Variants in SOX5 observed in about 807,000 individuals in gnomAD.
The protein encoded by SOX5 is transcription factor SOX-5.
SOX5 carries 9 observed loss-of-function variants against 92.0 expected under a neutral mutation model. The ratio of observed to expected loss-of-function variants is 0.10; its 90% CI spans 0.06 to 0.17. The LOEUF (loss-of-function observed/expected upper bound fraction) is 0.17. Among genes scored for constraint, SOX5 ranks in the 10% least tolerant of loss-of-function variants. The pLI is 1.00. For synonymous variants in SOX5, 344 were observed against 336.3 expected, an observed-to-expected ratio of 1.02 and a Z score of -0.25; for missense variants, 642 against 944.5, an observed-to-expected ratio of 0.68 and a Z score of 4.20.
At chr12:23,825,575 C>T (rs542084474) in intron 3 of SOX5, among the ~76,000 whole-genome samples, 5 of 152,064 alleles carry the variant, frequency 3.3e-5, no homozygotes, top group African/African-American at 7.3e-5. Flanking sequence ...TGTTTGTATG[C>T]GTGTATTTAT....
chr12:24,548,506 G>A (rs142633243), intron 1 of SOX5, among the ~76,000 whole-genome samples: 119 of 152,272 alleles, frequency 7.8e-4, no homozygotes, highest in African/African-American at 2.7e-3. Flanking sequence ...TAGACACGAG[G>A]CACTACATGT....
At position 23,979,698 on chromosome 12, in the gene SOX5, G is replaced by GTTTTTTTGTTT. The variant is rs1949313537; in HGVS notation, c.-1-83675_-1-83674insAAACAAAAAAA. Among the ~76,000 whole-genome samples, 20 of 64,704 alleles carry GTTTTTTTGTTT rather than the reference G, an allele frequency of 3.1e-4. 1 individual carries two copies. Among genetic ancestry groups the GTTTTTTTGTTT allele is most frequent in the Non-Finnish European group, 4.8e-4 (18 of 37,148 alleles). The allele number at this position is 64,704 out of a possible 152,430, so 42.4% of individuals were successfully genotyped here. On this transcript the variant is annotated intron_variant, in intron 4 of 4. Coordinates refer to the SOX5 transcript ENST00000446891. Reference sequence around the variant, plus strand: ...TTCTTCCTTCCATATATATATATATGTTTTTTTTGTTTTTTTTTTTTTTTT... The same window carrying GTTTTTTTGTTT: ...TTCTTCCTTCCATATATATATATATGTTTTTTTGTTTTTTTTTTTGTTTTTTTTTTTTTTTT...
At chr12:23,886,362 C>A (rs918011056) in intron 2 of SOX5, among the ~76,000 whole-genome samples, 2 of 152,054 alleles carry the variant, frequency 1.3e-5, no homozygotes, top group African/African-American at 4.8e-5. Flanking sequence ...GGTTGTTATA[C>A]AAAGATCCCT....
chr12:23,684,008 T>C (rs757656082), intron 6 of SOX5, among the ~76,000 whole-genome samples: 37 of 152,004 alleles, frequency 2.4e-4, no homozygotes, highest in Non-Finnish European at 4.9e-4. Flanking sequence ...TGATTGAGAC[T>C]ATGAGTAGGG....
chr12:24,435,993 C>T (rs554301936), intron 1 of SOX5, among the ~76,000 whole-genome samples: 9 of 152,210 alleles, frequency 5.9e-5, no homozygotes, highest in African/African-American at 1.7e-4. Context: ...AAACCAAGCC[C>T]GTATAAGAAG....
chr12:24,087,468 G>A (rs1944141184), intron 4 of SOX5, among the ~76,000 whole-genome samples: 2 of 152,004 alleles, frequency 1.3e-5, no homozygotes, highest in South Asian at 4.1e-4. Context: ...AACCAATAGG[G>A]TGCTTTGCCT....
At chr12:24,047,080 T>C (rs1461952151) in intron 4 of SOX5, among the ~76,000 whole-genome samples, 2 of 152,120 alleles carry the variant, frequency 1.3e-5, no homozygotes, top group Non-Finnish European at 2.9e-5. Context: ...GAGGTACGAA[T>C]AACACTTTCT....
intron 3 of SOX5, among the ~76,000 whole-genome samples, chr12:23,823,897 T>C (rs2096176711): frequency 6.6e-6 from 1 of 152,220 alleles, no homozygotes; most frequent in Admixed American, 6.5e-5. Flanking sequence ...TTCTTTCGTT[T>C]ATTTGATTCA....
intron 2 of SOX5, among the ~76,000 whole-genome samples, chr12:24,294,102 C>T (rs1356461169): frequency 6.6e-6 from 1 of 152,142 alleles, no homozygotes; most frequent in Non-Finnish European, 1.5e-5. Flanking sequence ...ATTCAAAATG[C>T]TAAACAGAAT....
At chr12:24,533,036 C>T (rs928419408) in intron 1 of SOX5, among the ~76,000 whole-genome samples, 7 of 152,162 alleles carry the variant, frequency 4.6e-5, no homozygotes, top group Admixed American at 1.3e-4. Flanking sequence ...AAGTCTATAT[C>T]CTCAATGAAT....
intron 3 of SOX5, among the ~76,000 whole-genome samples, chr12:23,818,034 T>G (rs2096030201): frequency 6.6e-6 from 1 of 152,330 alleles, no homozygotes; most frequent in South Asian, 2.1e-4. Flanking sequence ...AGAGAGATTT[T>G]ATACAAGTTG....
chr12:24,145,418 G>T (rs562347893), intron 4 of SOX5, among the ~76,000 whole-genome samples: 1 of 152,152 alleles, frequency 6.6e-6, no homozygotes, highest in East Asian at 1.9e-4. Context: ...ATCTAACTAC[G>T]TGCACTTGAC....
At chr12:24,467,397 G>C (rs1026742458) in intron 1 of SOX5, among the ~76,000 whole-genome samples, 2 of 152,192 alleles carry the variant, frequency 1.3e-5, no homozygotes, top group Non-Finnish European at 2.9e-5. Flanking sequence ...CGTGCAATGG[G>C]AAATGACTTC....
intron 2 of SOX5, among the ~76,000 whole-genome samples, chr12:24,332,529 C>A (rs1278325102): frequency 6.6e-6 from 1 of 151,756 alleles, no homozygotes; most frequent in Non-Finnish European, 1.5e-5. Flanking sequence ...GTTTAGGAAT[C>A]AAGAGACCTA....
intron 7 of SOX5, 140 bp downstream of exon 7, chr12:23,665,304 C>T: frequency 1.1e-6 from 1 of 912,164 alleles, no homozygotes; most frequent in Non-Finnish European, 1.7e-6. Context: ...CACACTTCTC[C>T]ACACATTCTG....
intron 1 of SOX5, among the ~76,000 whole-genome samples, chr12:24,559,543 T>G (rs979674328): frequency 6.6e-6 from 1 of 152,078 alleles, no homozygotes; most frequent in Non-Finnish European, 1.5e-5. Flanking sequence ...TTCAAGAAGG[T>G]AGTACATACT....
chr12:24,419,313 T>G (rs916201737), intron 1 of SOX5, among the ~76,000 whole-genome samples: 18 of 152,130 alleles, frequency 1.2e-4, no homozygotes, highest in African/African-American at 3.6e-4. Context: ...AATTTTTTTG[T>G]ATTTTAGTAG....
At chr12:24,262,175 T>C (rs1000355733) in intron 3 of SOX5, among the ~76,000 whole-genome samples, 1 of 152,048 alleles carries the variant, frequency 6.6e-6, no homozygotes, top group African/African-American at 2.4e-5. Context: ...AAACTGTAGG[T>C]TGCAATGAAA....
At chr12:24,236,360 T>G (rs1305839743) in intron 3 of SOX5, among the ~76,000 whole-genome samples, 1 of 152,200 alleles carries the variant, frequency 6.6e-6, no homozygotes, top group East Asian at 1.9e-4. Context: ...TCAATCAGAC[T>G]ACACATTAAA....
Sources: allele counts gnomAD v4.1 joint callset (sites outside exome capture counted in the v4.1 genomes callset), GRCh38; gene constraint gnomAD v4.1.1; transcripts MANE v1.5; gene names NCBI Gene and HGNC (gene_info 2026-07-23, HGNC 2026-07-21).